The following HSPG2 variants were observed in gnomAD, a reference collection of about 807,000 sequenced individuals.
The protein encoded by HSPG2 is basement membrane-specific heparan sulfate proteoglycan core protein.
Under a neutral mutation model 526.6 loss-of-function variants are expected in HSPG2, and 278 were observed. The ratio of observed to expected loss-of-function variants is 0.53; its 90% CI spans 0.48 to 0.58. The LOEUF is 0.58. Among genes scored for constraint, HSPG2 ranks in the 20% least tolerant of loss-of-function variants. The probability of loss-of-function intolerance (pLI) is 0.00; values close to 1 mark genes in which losing one functional copy is unlikely to be tolerated. For synonymous variants in HSPG2, 2,465 were observed against 2,555.4 expected, an observed-to-expected ratio of 0.96 and a Z score of 1.07; for missense variants, 5,354 against 6,099.5, an observed-to-expected ratio of 0.88 and a Z score of 4.07.
intron 18 of HSPG2, 137 bp from the exon 19 acceptor site, chr1:21,878,800 C>T: frequency 1.7e-6 from 2 of 1,180,586 alleles, no homozygotes; most frequent in Non-Finnish European, 2.5e-6. Flanking sequence ...GGCAGCCTCA[C>T]AGCAACTGTA....
chr1:21,888,639 CT>C, intron 6 of HSPG2: 1 of 1,358,282 alleles, frequency 7.4e-7, no homozygotes, highest in Non-Finnish European at 9.8e-7. Context: ...AGGAACCTGG[CT>C]GGGCCTCGGC....
chr1:21,935,348 G>A (rs71638803), intron 1 of HSPG2, among the ~76,000 whole-genome samples: 1,690 of 152,216 alleles, frequency 0.011, 21 homozygotes, highest in South Asian at 0.025. Flanking sequence ...GGAGCTGCCT[G>A]TTTATTTGTC....
Position 21,864,272 on chromosome 1 carries a change from G to A in HSPG2, c.4627-59C>T. ...CAACGTGCCCCACCCACAGCCAGCAGACCCAGAACCCCTCCCTCCAGTGTC... is the reference window on the plus strand; with the variant it reads ...CAACGTGCCCCACCCACAGCCAGCAAACCCAGAACCCCTCCCTCCAGTGTC... On this transcript the variant is annotated intron_variant, in intron 36 of 96. Transcript: ENST00000374695. This position sits in a 1 kb window ranked among gnomAD's most constrained non-coding sequence, Gnocchi z 4.8. 3 of 1,366,706 alleles carry A rather than the reference G, an allele frequency of 2.2e-6. No homozygotes were observed. Among genetic ancestry groups the A allele is most frequent in the Non-Finnish European group, 3.1e-6 (3 of 980,054 alleles). The allele number at this position is 1,366,706 out of a possible 1,614,324, so 84.7% of individuals were successfully genotyped here. A position where few individuals can be genotyped will look rare whatever the true frequency, so the allele number is the denominator to read the frequency against.
intron 1 of HSPG2, among the ~76,000 whole-genome samples, chr1:21,903,269 G>T (rs915083741): frequency 1.3e-5 from 2 of 152,182 alleles, no homozygotes; most frequent in Non-Finnish European, 2.9e-5. Flanking sequence ...TGTCCCTGCA[G>T]AACAATCCCT....
At chr1:21,826,574 A>G (rs2097975556) in intron 91 of HSPG2, among the ~76,000 whole-genome samples, 3 of 151,808 alleles carry the variant, frequency 2.0e-5, no homozygotes, top group Admixed American at 6.6e-5. Context: ...GGTGCATGCA[A>G]TCTTGGCTCA....
In HSPG2 at chr1:21,904,542, C is replaced by T. The variant is rs897258248; in HGVS notation, c.64-8232G>A. The stretch of plus-strand genomic sequence containing the variant: ...CTCCCCTGTACCCCCAGAGTCCCTG[C>T]ACTCTCCTCCGTCCCCCACAGACAC... On this transcript the variant is annotated intron_variant, in intron 1 of 96. Transcript: ENST00000374695. The surrounding 1 kb of genome is among the most constrained non-coding windows in gnomAD (Gnocchi z 4.4). 6.6e-6 allele frequency among the ~76,000 whole-genome samples: 1 copy of T among 152,190 alleles called. No individual in the cohort carries two copies. Among genetic ancestry groups the T allele is most frequent in the South Asian group, 2.1e-4 (1 of 4,822 alleles).
rs142002201 is a variant in HSPG2 at position 21,926,405 on chromosome 1, C to G, written c.63+10750G>C. ...AGGAAACTCCTGGGTTTCTGTTCCT[C>G]TGGCCTAAGGGTCATAGCAAGGCAA... is the stretch of plus-strand genomic sequence containing the variant. On this transcript the variant is annotated intron_variant, in intron 1 of 96. Coordinates refer to ENST00000374695, the MANE Select transcript of HSPG2 (RefSeq NM_005529.7). Among the ~76,000 whole-genome samples, 16 of 152,148 alleles carry G rather than the reference C, an allele frequency of 1.1e-4. No homozygotes were observed. The East Asian group carries it at 2.7e-3, about 26-fold the overall frequency.
chr1:21,855,121 C>T, intron 47 of HSPG2, 138 bp from the exon 48 acceptor site: 2 of 1,361,184 alleles, frequency 1.5e-6, no homozygotes, highest in Non-Finnish European at 2.0e-6. Context: ...AGGACAAACG[C>T]CAGGCAGCCA....
chr1:21,865,350 G>C lies in HSPG2; in HGVS notation c.4330C>G (p.Leu1444Val), dbSNP rs147195024. ...DVQITGNNIMLVASQPALQGP... is the reference protein window; with the variant it reads ...DVQITGNNIMVVASQPALQGP... ...TGCAGCGCTGGCTGGGAGGCCACTA[G>C]CATGATGTTGTTGCCCTGGAAAGAC... The change falls in exon 35 of 97, where the codon CTA becomes GTA. Residue 1444 changes from leucine to valine, a missense_variant. By Grantham distance (32) the Leu-to-Val change is conservative. Transcript: ENST00000374695. The surrounding 1 kb of genome is among the most constrained non-coding windows in gnomAD (Gnocchi z 5.4). The C allele has an allele frequency of 7.4e-6, 12 of 1,613,980 alleles. No homozygotes were observed. In the Admixed American group the frequency reaches 8.3e-5, roughly 11 times the overall value.
At chr1:21,899,049 A>G (rs1171477767) in intron 1 of HSPG2, among the ~76,000 whole-genome samples, 1 of 152,178 alleles carries the variant, frequency 6.6e-6, no homozygotes, top group East Asian at 1.9e-4. Flanking sequence ...AGGCCAGAGC[A>G]CGTCGGGACT....
In HSPG2 at chr1:21,879,006, T is replaced by C. The variant is rs758995759; in HGVS notation, c.2459A>G (p.Asp820Gly). The change falls in exon 18 of 97, where the codon GAT becomes GGT. Residue 820 changes from aspartate (D) to glycine (G), a missense_variant. Asp to Gly is a moderately conservative substitution (Grantham distance 94). Transcript: ENST00000374695. ...SCRPCPCPYI[D>G]ASRRFSDTCF... ...AGCTGGGGCTGACCTGCGGGAGGCA[T>C]CGATGTATGGGCAAGGGCAGGGCCG... is the stretch of plus-strand genomic sequence containing the variant. 1 of 1,613,810 alleles carries C rather than the reference T, an allele frequency of 6.2e-7. No homozygotes were observed. Among genetic ancestry groups the C allele is most frequent in the Non-Finnish European group, 8.5e-7 (1 of 1,179,904 alleles).
At chr1:21,883,449 C>G (rs2152758029) in intron 13 of HSPG2, among the ~76,000 whole-genome samples, 1 of 152,280 alleles carries the variant, frequency 6.6e-6, no homozygotes, top group Non-Finnish European at 1.5e-5. Context: ...TCTCAAGTAG[C>G]TGGGACTACA....
At position 21,850,407 on chromosome 1, in the gene HSPG2, T is replaced by C; in HGVS notation, c.7250A>G (p.Glu2417Gly). Residue 2417 changes from glutamate to glycine, a missense_variant, in exon 56 of 97, where the codon GAG (glutamate) becomes GGG (glycine). Glu to Gly is a moderately conservative substitution (Grantham distance 98). Coordinates refer to ENST00000374695, the MANE Select transcript of HSPG2 (RefSeq NM_005529.7). Reference sequence around the variant, plus strand: ...CTCAATGGTGACCAGGACAGAGGCCTCTAGAGGCACGGAGCTGCCCAACAC... The same window carrying C: ...CTCAATGGTGACCAGGACAGAGGCCCCTAGAGGCACGGAGCTGCCCAACAC... ...CRVLGSSVPL[E>G]ASVLVTIEPA... The C allele has an allele frequency of 6.2e-7, 1 of 1,611,192 alleles. No homozygotes were observed.
chr1:21,935,982 T>G (rs374554232), intron 1 of HSPG2, among the ~76,000 whole-genome samples: 163 of 151,476 alleles, frequency 1.1e-3, no homozygotes, highest in African/African-American at 3.7e-3. Context: ...CTCAGGAGGG[T>G]AGAGGTGCGA....
intron 1 of HSPG2, among the ~76,000 whole-genome samples, chr1:21,936,279 G>A (rs1406541581): frequency 6.6e-6 from 1 of 152,086 alleles, no homozygotes; most frequent in Non-Finnish European, 1.5e-5. Context: ...TCTAAGCCTC[G>A]GGATTCCTGA....
rs200682058 is a variant in HSPG2, at chr1:21,831,225, C to T, written c.11552G>A (p.Arg3851Gln). 24 of 1,613,672 alleles carry T rather than the reference C, an allele frequency of 1.5e-5. No individual in the cohort carries two copies. Among genetic ancestry groups the T allele is most frequent in the Admixed American group, 3.3e-5 (2 of 59,994 alleles). ...GGGGTGTGGGGTCACCTGGCAGGGC[C>T]GGTCCCGACAGGTGGGGCAGTGGGA... is the stretch of plus-strand genomic sequence containing the variant. ...GISHCPTCRDRPCQNGGQCHD... is the reference protein window; with the variant it reads ...GISHCPTCRDQPCQNGGQCHD... The change falls in exon 84 of 97, where the codon CGG (arginine) becomes CAG (glutamine). Residue 3851 changes from arginine (R) to glutamine (Q), a missense_variant. Arg to Gln is a conservative substitution (Grantham distance 43, BLOSUM62 1). Coordinates refer to ENST00000374695, the MANE Select transcript of HSPG2 (RefSeq NM_005529.7).
intron 13 of HSPG2, among the ~76,000 whole-genome samples, chr1:21,882,182 C>A (rs1419843148): frequency 1.4e-5 from 2 of 139,784 alleles, no homozygotes; most frequent in Non-Finnish European, 3.2e-5. Context: ...TGGAACAACC[C>A]TGCAGGCAGG....
Position 21,841,095 on chromosome 1 carries a change from C to T in HSPG2, c.9513+6G>A. 6.3e-7 allele frequency: 1 copy of T among 1,596,124 alleles called. No homozygotes were observed. Among genetic ancestry groups the T allele is most frequent in the African/African-American group, 1.3e-5 (1 of 74,630 alleles). ...CTCAGACCCAGAGAGGCAGCCCCGG[C>T]TTCACCTGCAGCACCGCGTGGCTGT... On this transcript the variant is annotated splice_donor_region_variant and intron_variant, in intron 71 of 96. Coordinates refer to ENST00000374695, the MANE Select transcript of HSPG2 (RefSeq NM_005529.7).
At chr1:21,850,876 C>T (rs1638835530) in intron 55 of HSPG2, among the ~76,000 whole-genome samples, 1 of 152,044 alleles carries the variant, frequency 6.6e-6, no homozygotes, top group Non-Finnish European at 1.5e-5. Flanking sequence ...TAGCTAATGG[C>T]ATTATAGTAA....
Sources: allele counts gnomAD v4.1 joint callset (sites outside exome capture counted in the v4.1 genomes callset), GRCh38; gene constraint gnomAD v4.1.1; non-coding constraint Gnocchi (gnomAD v3.1); transcripts MANE v1.5; gene names NCBI Gene and HGNC (gene_info 2026-07-23, HGNC 2026-07-21).